Variants in HM13 observed in about 807,000 individuals in gnomAD.
The protein encoded by HM13 is histocompatibility minor 13.
A neutral mutation model predicts 50.0 loss-of-function variants in HM13; 18 were observed. The ratio of observed to expected loss-of-function variants is 0.36; its 90% CI spans 0.25 to 0.53. The LOEUF (loss-of-function observed/expected upper bound fraction) is 0.53, where lower values mean the gene tolerates loss of function less well. HM13 is among the 20% of genes least tolerant of loss of function. The probability of loss-of-function intolerance (pLI) is 0.90; values close to 1 mark genes in which losing one functional copy is unlikely to be tolerated. For missense variants in HM13, 393 were observed against 552.4 expected, an observed-to-expected ratio of 0.71 and a Z score of 2.89; for synonymous variants, 197 against 232.6, an observed-to-expected ratio of 0.85 and a Z score of 1.39.
At chr20:31,547,663 C>G in intron 4 of HM13, 1 of 1,525,594 alleles carries the variant, frequency 6.6e-7, no homozygotes, top group South Asian at 1.2e-5. Context: ...CAAAATAGTC[C>G]GATGCCACGA....
At chr20:31,516,181 T>A (rs1445047297) in intron 1 of HM13, among the ~76,000 whole-genome samples, 3 of 152,164 alleles carry the variant, frequency 2.0e-5, no homozygotes, top group Admixed American at 2.0e-4. Flanking sequence ...AGACACTTAG[T>A]GTAGAGAGCA....
rs1319409650 is a variant in HM13, at chr20:31,527,520, G to A, written c.220G>A (p.Asp74Asn). The A allele has an allele frequency of 6.2e-7, 1 of 1,613,914 alleles. No individual in the cohort carries two copies. The highest frequency in any genetic ancestry group is 1.3e-5 in the African/African-American group (1 of 74,870). Residue 74 changes from aspartate to asparagine, a missense_variant, in exon 2 of 13, where the codon GAT becomes AAT. This residue lies in a region of HM13 where 214 missense variants were observed against 276.1 expected (regional missense o/e 0.77). Coordinates refer to ENST00000398174, the MANE Select transcript of HM13 (RefSeq NM_178581.3). ...SDMPETITSR[D>N]AARFPIIASC... ...CATGCCTGAAACAATCACCAGCCGG[G>A]ATGCCGCCCGCTTCCCCATCATCGC...
At chr20:31,526,519 A>G (rs1982502655) in intron 1 of HM13, among the ~76,000 whole-genome samples, 1 of 152,132 alleles carries the variant, frequency 6.6e-6, no homozygotes, top group South Asian at 2.1e-4. Flanking sequence ...TCCATTTTCA[A>G]TTCTTTTCCA....
At chr20:31,515,726 C>G (rs927238316) in intron 1 of HM13, among the ~76,000 whole-genome samples, 2 of 152,226 alleles carry the variant, frequency 1.3e-5, no homozygotes, top group Non-Finnish European at 2.9e-5. Context: ...CTCCCTCCCC[C>G]TTCCCTGCCC....
intron 2 of HM13, among the ~76,000 whole-genome samples, chr20:31,532,415 C>A (rs1044145185): frequency 6.6e-6 from 1 of 152,176 alleles, no homozygotes; most frequent in African/African-American, 2.4e-5. Flanking sequence ...CAGAGAGAGA[C>A]TCCATCTCAA....
chr20:31,517,191 A>G (rs1981842495), intron 1 of HM13, among the ~76,000 whole-genome samples: 1 of 152,092 alleles, frequency 6.6e-6, no homozygotes, highest in Non-Finnish European at 1.5e-5. Context: ...ACCAGTTGGG[A>G]GAGAGGGAAT....
At chr20:31,547,416 C>T (rs1381327473) in intron 4 of HM13, 2 of 461,346 alleles carry the variant, frequency 4.3e-6, no homozygotes, top group Non-Finnish European at 7.8e-6. Flanking sequence ...GGCCGCGTGG[C>T]GCCCGCGCCG....
intron 7 of HM13, among the ~76,000 whole-genome samples, chr20:31,553,497 A>G (rs774663177): frequency 2.6e-5 from 4 of 152,226 alleles, no homozygotes; most frequent in African/African-American, 4.8e-5. Flanking sequence ...AATCTTCACT[A>G]TCACCCTGAG....
chr20:31,546,447 A>T (rs1475614027), intron 4 of HM13, among the ~76,000 whole-genome samples: 4 of 146,418 alleles, frequency 2.7e-5, no homozygotes, highest in Admixed American at 2.0e-4. Context: ...ACAATTGTTG[A>T]TTTTTTTTTT....
At chr20:31,557,898 G>A (rs1053881666) in intron 8 of HM13, among the ~76,000 whole-genome samples, 4 of 152,036 alleles carry the variant, frequency 2.6e-5, no homozygotes, top group Admixed American at 6.5e-5. Flanking sequence ...GTAGAGACGG[G>A]GTTGCACCAT....
intron 1 of HM13, among the ~76,000 whole-genome samples, chr20:31,522,623 AC>A (rs1982242116): frequency 7.5e-6 from 1 of 133,542 alleles, no homozygotes; most frequent in Non-Finnish European, 1.5e-5. Flanking sequence ...ACTACCAGAC[AC>A]TGTGCTTGAC....
chr20:31,549,188 C>G lies in HM13; in HGVS notation c.541-19C>G, dbSNP rs1359492857. 2.5e-6 allele frequency: 4 copies of G among 1,614,180 alleles called. No individual in the cohort carries two copies. Among genetic ancestry groups the G allele is most frequent in the Non-Finnish European group, 3.4e-6 (4 of 1,180,024 alleles). On this transcript the variant is annotated intron_variant, in intron 5 of 12. Coordinates refer to ENST00000398174, the MANE Select transcript of HM13 (RefSeq NM_178581.3). ...AGGGTGGGTCACAGCAAGCTGGTCTCACTCCCCGCTTTCCTCAGCACTGGA... is the reference window on the plus strand; with the variant it reads ...AGGGTGGGTCACAGCAAGCTGGTCTGACTCCCCGCTTTCCTCAGCACTGGA...
At chr20:31,566,045 G>A (rs536924942) in intron 10 of HM13, 165 bp from the exon 11 acceptor site, 1 of 511,950 alleles carries the variant, frequency 2.0e-6, no homozygotes, top group Admixed American at 3.6e-5. Context: ...AGCAACCCTT[G>A]TCTGGGAGTT....
intron 7 of HM13, 115 bp from the exon 8 acceptor site, chr20:31,554,631 G>A (rs544778731): frequency 7.9e-6 from 6 of 760,242 alleles, no homozygotes; most frequent in South Asian, 3.4e-5. Flanking sequence ...GCAGTGAGCC[G>A]AGATTGCGCC....
chr20:31,539,631 TA>T, intron 3 of HM13: 2 of 400,322 alleles, frequency 5.0e-6, no homozygotes, highest in Non-Finnish European at 6.8e-6. Flanking sequence ...CCGTCTCTAC[TA>T]AAAATACAAA....
At chr20:31,557,822 C>T (rs970865773) in intron 8 of HM13, among the ~76,000 whole-genome samples, 2 of 150,662 alleles carry the variant, frequency 1.3e-5, no homozygotes, top group African/African-American at 4.9e-5. Flanking sequence ...ATTCTCCTGC[C>T]TCAACCTCCC....
chr20:31,523,465 G>A (rs1265874796), intron 1 of HM13, among the ~76,000 whole-genome samples: 1 of 152,072 alleles, frequency 6.6e-6, no homozygotes, highest in African/African-American at 2.4e-5. Flanking sequence ...GTTTCACCAT[G>A]TTGGCCAGGC....
chr20:31,543,945 G>A (rs1034906027), intron 3 of HM13, among the ~76,000 whole-genome samples: 6 of 151,410 alleles, frequency 4.0e-5, no homozygotes, highest in African/African-American at 1.5e-4. Context: ...AAAAAAAAAA[G>A]AGTTCCCTTT....
chr20:31,528,606 G>A (rs1478049166), intron 2 of HM13, among the ~76,000 whole-genome samples: 1 of 152,230 alleles, frequency 6.6e-6, no homozygotes, highest in Non-Finnish European at 1.5e-5. Context: ...AGCCAGCTGA[G>A]TAGCTAGGAT....
Sources: allele counts gnomAD v4.1 joint callset (sites outside exome capture counted in the v4.1 genomes callset), GRCh38; gene constraint gnomAD v4.1.1; regional missense constraint gnomAD v4.1.1; transcripts MANE v1.5; gene names NCBI Gene and HGNC (gene_info 2026-07-23, HGNC 2026-07-21).